Variants in GREB1L observed in about 807,000 individuals in gnomAD.
GREB1L encodes the protein GREB1 like retinoic acid receptor coactivator, also known as GREB1-like protein.
GREB1L carries 17 observed loss-of-function variants against 200.8 expected under a neutral mutation model. The observed-to-expected ratio is 0.08, with a 90% CI of 0.06 to 0.13. GREB1L has a LOEUF of 0.13. GREB1L is among the 10% of genes least tolerant of loss of function. The probability of loss-of-function intolerance (pLI) is 1.00; values close to 1 mark genes in which losing one functional copy is unlikely to be tolerated. For synonymous variants in GREB1L, 789 were observed against 893.0 expected (o/e 0.88, Z 2.08); for missense variants, 1,657 against 2,367.7 (o/e 0.70, Z 6.23).
intron 1 of GREB1L, among the ~76,000 whole-genome samples, chr18:21,244,173 A>G (rs560624341): frequency 2.0e-5 from 3 of 152,124 alleles, no homozygotes; most frequent in Middle Eastern, 3.4e-3. Flanking sequence ...AAGCAAAACT[A>G]TTAAACTAAT....
intron 7 of GREB1L, among the ~76,000 whole-genome samples, chr18:21,429,346 C>T (rs1182241402): frequency 3.0e-5 from 4 of 133,652 alleles, no homozygotes; most frequent in Non-Finnish European, 6.2e-5. Flanking sequence ...CTTTTCCTTT[C>T]TTCCTTTTCT....
chr18:21,416,268 TGAAAC>T (rs2031621329), intron 7 of GREB1L, among the ~76,000 whole-genome samples: 1 of 151,710 alleles, frequency 6.6e-6, no homozygotes, highest in Non-Finnish European at 1.5e-5. Context: ...CAAAAGAAAA[TGAAAC>T]GAACATCAGT....
intron 7 of GREB1L, among the ~76,000 whole-genome samples, chr18:21,428,904 G>A (rs1389151908): frequency 6.6e-6 from 1 of 151,842 alleles, no homozygotes; most frequent in Non-Finnish European, 1.5e-5. Context: ...TTTTAGTAGA[G>A]GTGGGGTTTC....
At chr18:21,357,440 G>A (rs138014146) in intron 1 of GREB1L, among the ~76,000 whole-genome samples, 8 of 152,192 alleles carry the variant, frequency 5.3e-5, no homozygotes, top group Non-Finnish European at 8.8e-5. Flanking sequence ...TTGGCTCTTC[G>A]CCCTGTTGAT....
chr18:21,243,557 A>G (rs1274002085), intron 1 of GREB1L, among the ~76,000 whole-genome samples: 1 of 152,244 alleles, frequency 6.6e-6, no homozygotes, highest in Admixed American at 6.5e-5. Context: ...CCGTTTAAAT[A>G]CAGGGAAGAG....
chr18:21,459,580 C>T (rs1392711689), intron 15 of GREB1L, among the ~76,000 whole-genome samples: 1 of 152,028 alleles, frequency 6.6e-6, no homozygotes, highest in African/African-American at 2.4e-5. Flanking sequence ...AGCCACCGCG[C>T]ATGGCCGGCA....
chr18:21,464,480 G>T (rs2035185715), intron 15 of GREB1L, among the ~76,000 whole-genome samples: 1 of 150,332 alleles, frequency 6.7e-6, no homozygotes, highest in African/African-American at 2.5e-5. Context: ...AGAGGCAGAG[G>T]TTGCAGTGAG....
At chr18:21,444,475 CTT>C in intron 11 of GREB1L, 66 bp downstream of exon 11, 5 of 1,276,202 alleles carry the variant, frequency 3.9e-6, no homozygotes, top group Non-Finnish European at 5.4e-6. Flanking sequence ...TGTACTTTTT[CTT>C]TCTTTCTCAC....
In GREB1L at chr18:21,500,674, G is replaced by C. The variant is rs891544431; in HGVS notation, c.4072+32G>C. On this transcript the variant is annotated intron_variant, in intron 23 of 32. Coordinates refer to ENST00000424526, the MANE Select transcript of GREB1L (RefSeq NM_001142966.3). ...GCTGAGCCCAGGGAGTGGGCAGAGG[G>C]GCAAGAGACAAAGACATTGAATTGC... 14 of 1,417,568 alleles carry C rather than the reference G, an allele frequency of 9.9e-6. No individual in the cohort carries two copies. In the South Asian group the frequency reaches 1.6e-4, roughly 16 times the overall value. 87.8% of individuals were successfully genotyped at this position (1,417,568 alleles called of 1,614,324 possible). A position where few individuals can be genotyped will look rare whatever the true frequency, so the allele number is the denominator to read the frequency against.
chr18:21,449,917 C>A, intron 12 of GREB1L, 81 bp downstream of exon 12: 3 of 1,063,552 alleles, frequency 2.8e-6, no homozygotes, highest in Non-Finnish European at 2.7e-6. Context: ...TTATGTGTTT[C>A]AGGCATCCAC....
chr18:21,401,012 T>G (rs2041294558), intron 5 of GREB1L, 138 bp from the exon 6 acceptor site: 5 of 672,918 alleles, frequency 7.4e-6, no homozygotes, highest in African/African-American at 1.8e-5. Flanking sequence ...TGTACCTGGT[T>G]TTTTTCCCTC....
chr18:21,445,069 A>G (rs1467295743), intron 11 of GREB1L, among the ~76,000 whole-genome samples: 1 of 152,252 alleles, frequency 6.6e-6, no homozygotes, highest in Non-Finnish European at 1.5e-5. Context: ...TGACAATACT[A>G]GAGTGGCTTA....
At chr18:21,350,461 ACTC>A (rs2039416926) in intron 1 of GREB1L, among the ~76,000 whole-genome samples, 1 of 150,962 alleles carries the variant, frequency 6.6e-6, no homozygotes, top group South Asian at 2.1e-4. Flanking sequence ...CGTGTCTTGA[ACTC>A]CTGACCTCAG....
chr18:21,393,304 T>C (rs2040905027), intron 4 of GREB1L, among the ~76,000 whole-genome samples: 1 of 151,930 alleles, frequency 6.6e-6, no homozygotes. Flanking sequence ...AGCGTTTTTT[T>C]CCCTGTTCTT....
At chr18:21,273,187 C>G (rs1242336077) in intron 1 of GREB1L, among the ~76,000 whole-genome samples, 2 of 152,068 alleles carry the variant, frequency 1.3e-5, no homozygotes, top group African/African-American at 4.8e-5. Context: ...GAGATTGTGC[C>G]GCTGCACTCC....
chr18:21,384,488 G>C (rs533088056), intron 4 of GREB1L, 85 bp downstream of exon 4: 3 of 1,047,072 alleles, frequency 2.9e-6, no homozygotes, highest in South Asian at 3.3e-5. Flanking sequence ...GGTGCTCAAG[G>C]CTGGAAACTA....
chr18:21,431,708 G>A (rs754184220), intron 7 of GREB1L, among the ~76,000 whole-genome samples: 15 of 151,896 alleles, frequency 9.9e-5, no homozygotes, highest in Admixed American at 6.6e-5. Flanking sequence ...ATTGAAAGTG[G>A]GGTATTGAAG....
chr18:21,252,463 A>G (rs1192097350), intron 1 of GREB1L, among the ~76,000 whole-genome samples: 1 of 152,066 alleles, frequency 6.6e-6, no homozygotes, highest in African/African-American at 2.4e-5. Flanking sequence ...AGGCTGAGGC[A>G]ACAAAATCGC....
intron 7 of GREB1L, among the ~76,000 whole-genome samples, chr18:21,422,320 C>G (rs2032222790): frequency 6.6e-6 from 1 of 152,170 alleles, no homozygotes; most frequent in Admixed American, 6.6e-5. Flanking sequence ...GAAACATTTA[C>G]ATATTTCAAA....
Sources: allele counts gnomAD v4.1 joint callset (sites outside exome capture counted in the v4.1 genomes callset), GRCh38; gene constraint gnomAD v4.1.1; transcripts MANE v1.5; gene names NCBI Gene and HGNC (gene_info 2026-07-23, HGNC 2026-07-21).